PTPRD: variants seen among roughly 807,000 people sequenced by gnomAD.
PTPRD encodes the protein protein tyrosine phosphatase receptor type D.
A neutral mutation model predicts 214.5 loss-of-function variants in PTPRD; 34 were observed. That is an observed-to-expected ratio of 0.16 (90% CI 0.12 to 0.21). The LOEUF (loss-of-function observed/expected upper bound fraction) is 0.21, where lower values mean the gene tolerates loss of function less well. Among genes scored for constraint, PTPRD ranks in the 10% least tolerant of loss-of-function variants. PTPRD has a pLI of 1.00. For missense variants in PTPRD, 2,545 were observed against 2,398.7 expected, an observed-to-expected ratio of 1.06 and a Z score of -1.27; for synonymous variants, 1,128 against 845.7, an observed-to-expected ratio of 1.33 and a Z score of -5.79.
At chr9:8,807,988 C>T (rs1359419299) in intron 11 of PTPRD, among the ~76,000 whole-genome samples, 1 of 152,158 alleles carries the variant, frequency 6.6e-6, no homozygotes, top group African/African-American at 2.4e-5. Context: ...ACCTAAATTT[C>T]AAACACTGCT....
At chr9:10,426,725 A>G (rs376864492) in intron 2 of PTPRD, among the ~76,000 whole-genome samples, 1 of 152,010 alleles carries the variant, frequency 6.6e-6, no homozygotes, top group Non-Finnish European at 1.5e-5. Context: ...CCTGAAGTGG[A>G]CTATAGTTTT....
chr9:8,794,581 C>T (rs2096351044), intron 11 of PTPRD, among the ~76,000 whole-genome samples: 1 of 148,702 alleles, frequency 6.7e-6, no homozygotes, highest in South Asian at 2.1e-4. Context: ...TGGGCTCAAG[C>T]AATCCTCCTG....
At chr9:9,501,969 C>G (rs1409326366) in intron 8 of PTPRD, among the ~76,000 whole-genome samples, 3 of 151,724 alleles carry the variant, frequency 2.0e-5, no homozygotes, top group African/African-American at 7.3e-5. Context: ...TTTTTAAACC[C>G]TCTTTATTGA....
intron 4 of PTPRD, among the ~76,000 whole-genome samples, chr9:9,964,700 T>C (rs1352039597): frequency 6.6e-6 from 1 of 152,212 alleles, no homozygotes; most frequent in Non-Finnish European, 1.5e-5. Context: ...GGCTAAATGA[T>C]ATTTACATTT....
At position 8,726,632 on chromosome 9, in the gene PTPRD, T is replaced by A. The variant is rs1467569684; in HGVS notation, c.64+7148A>T. On this transcript the variant is annotated intron_variant, in intron 12 of 45. Coordinates refer to ENST00000381196, the MANE Select transcript of PTPRD (RefSeq NM_002839.4). ...ATATATATATATATATATATATATA[T>A]ATATATATATATATATATGACAGCC... is the stretch of plus-strand genomic sequence containing the variant. Among the ~76,000 whole-genome samples the A allele has an allele frequency of 1.1e-3, 61 of 54,730 alleles. 10 individuals are homozygous for A. The South Asian group carries it at 0.036, about 32-fold the overall frequency. The allele number at this position is 54,730 out of a possible 152,430, so 35.9% of individuals were successfully genotyped here.
chr9:10,156,430 G>C (rs1043635980), intron 3 of PTPRD, among the ~76,000 whole-genome samples: 2 of 152,060 alleles, frequency 1.3e-5, no homozygotes, highest in Admixed American at 1.3e-4. Context: ...TAATTTCTAT[G>C]TAACTATGAG....
chr9:8,409,048 T>G (rs921553327), intron 35 of PTPRD, among the ~76,000 whole-genome samples: 2 of 152,194 alleles, frequency 1.3e-5, no homozygotes, highest in African/African-American at 4.8e-5. Context: ...CTATAGCAGA[T>G]GGATTAGAGG....
At chr9:9,575,783 A>C (rs1300675531) in intron 7 of PTPRD, among the ~76,000 whole-genome samples, 1 of 74,042 alleles carries the variant, frequency 1.4e-5, no homozygotes, top group African/African-American at 4.7e-5. Flanking sequence ...AAGAAAGAAA[A>C]AGAAAAAAAA....
chr9:9,695,285 G>A (rs11789613), intron 7 of PTPRD, among the ~76,000 whole-genome samples: 1 of 152,116 alleles, frequency 6.6e-6, no homozygotes, highest in Non-Finnish European at 1.5e-5. Context: ...TCTGCCCAGT[G>A]CCCTATCCTA....
At chr9:9,747,033 T>A (rs1310693248) in intron 6 of PTPRD, among the ~76,000 whole-genome samples, 2 of 152,088 alleles carry the variant, frequency 1.3e-5, no homozygotes, top group East Asian at 3.9e-4. Flanking sequence ...CCTAGAAATG[T>A]GGAAGGAAAC....
intron 5 of PTPRD, among the ~76,000 whole-genome samples, chr9:9,861,955 T>G (rs543225074): frequency 1.0e-3 from 155 of 152,356 alleles, no homozygotes; most frequent in African/African-American, 3.2e-3. Context: ...CAAAAATATT[T>G]GGTTATTTCC....
intron 5 of PTPRD, among the ~76,000 whole-genome samples, chr9:9,771,376 T>C (rs2154481791): frequency 1.3e-5 from 2 of 152,306 alleles, no homozygotes; most frequent in Middle Eastern, 6.8e-3. Flanking sequence ...CTGAAGTACA[T>C]AATTATTTTA....
At chr9:10,560,381 G>C (rs2063627584) in intron 2 of PTPRD, among the ~76,000 whole-genome samples, 1 of 151,876 alleles carries the variant, frequency 6.6e-6, no homozygotes, top group African/African-American at 2.4e-5. Context: ...ACACAGGAAG[G>C]GGAACATCAC....
chr9:9,116,552 C>A (rs1277470610), intron 10 of PTPRD, among the ~76,000 whole-genome samples: 8 of 152,080 alleles, frequency 5.3e-5, no homozygotes, highest in African/African-American at 1.9e-4. Flanking sequence ...ACTAAAAGCC[C>A]AGACTTCACC....
chr9:10,501,806 T>C (rs2043812923), intron 2 of PTPRD, among the ~76,000 whole-genome samples: 1 of 152,044 alleles, frequency 6.6e-6, no homozygotes, highest in African/African-American at 2.4e-5. Context: ...CTAATTGCTT[T>C]GTTGACAAAT....
chr9:9,868,716 T>C (rs1413316509), intron 5 of PTPRD, among the ~76,000 whole-genome samples: 2 of 148,694 alleles, frequency 1.3e-5, no homozygotes, highest in East Asian at 1.9e-4. Context: ...CCTAATAATA[T>C]ACTTAAACTC....
chr9:10,067,522 T>C (rs780481983), intron 3 of PTPRD, among the ~76,000 whole-genome samples: 3 of 151,926 alleles, frequency 2.0e-5, no homozygotes, highest in Admixed American at 6.6e-5. Flanking sequence ...ACAATTCTAA[T>C]ACTAGCATCT....
chr9:9,065,695 T>C (rs2099728375), intron 10 of PTPRD, among the ~76,000 whole-genome samples: 1 of 152,140 alleles, frequency 6.6e-6, no homozygotes, highest in Non-Finnish European at 1.5e-5. Context: ...GATGATGGCT[T>C]AGATCAGAGT....
rs78146799 is a variant in PTPRD at position 9,843,705 on chromosome 9, T to C, written c.-367-76854A>G. 3.9e-3 allele frequency among the ~76,000 whole-genome samples: 595 copies of C among 152,084 alleles called. 6 individuals carry two copies. Among genetic ancestry groups the C allele is most frequent in the African/African-American group, 0.014 (573 of 41,554 alleles). On this transcript the variant is annotated intron_variant, in intron 5 of 45. Coordinates refer to ENST00000381196, the MANE Select transcript of PTPRD (RefSeq NM_002839.4). The stretch of plus-strand genomic sequence containing the variant: ...ATATATTAAACTTTGTTTATATAAA[T>C]TGTATATCTAGAAAATCAACATAAG...
Sources: gnomAD v4.1 joint callset for allele counts (sites outside exome capture counted in the v4.1 genomes callset) on GRCh38, gnomAD v4.1.1 for gene constraint, MANE v1.5 for transcripts, NCBI Gene and HGNC (gene_info 2026-07-23, HGNC 2026-07-21) for gene names.